The following PLXNC1 variants were observed in gnomAD, a reference collection of about 807,000 sequenced individuals.
The protein encoded by PLXNC1 is plexin-C1.
In PLXNC1, 75 loss-of-function variants were observed where a neutral mutation model predicts 178.2. The observed-to-expected ratio is 0.42, with a 90% CI of 0.35 to 0.51. PLXNC1 has a LOEUF of 0.51. Among genes scored for constraint, PLXNC1 ranks in the 20% least tolerant of loss-of-function variants. The pLI is 0.02. For missense variants in PLXNC1, 1,503 were observed against 1,984.4 expected, an observed-to-expected ratio of 0.76 and a Z score of 4.61; for synonymous variants, 790 against 779.9, an observed-to-expected ratio of 1.01 and a Z score of -0.22.
At chr12:94,254,682 T>C in intron 15 of PLXNC1, 105 bp from the exon 16 acceptor site, 1 of 735,066 alleles carries the variant, frequency 1.4e-6, no homozygotes, top group East Asian at 2.6e-5. Flanking sequence ...TCCCTATCTG[T>C]TTTGTTTTTG....
chr12:94,149,270 G>A lies in PLXNC1; in HGVS notation c.299G>A (p.Arg100Gln). 1.3e-6 allele frequency: 2 copies of A among 1,527,564 alleles called. No individual in the cohort carries two copies. Among genetic ancestry groups the A allele is most frequent in the Non-Finnish European group, 1.7e-6 (2 of 1,146,514 alleles). 94.6% of individuals were successfully genotyped at this position (1,527,564 alleles called of 1,614,324 possible). A position where few individuals can be genotyped will look rare whatever the true frequency, so the allele number is the denominator to read the frequency against. ...TCGCTGGCGCCCCCCGCGCGGCCCC[G>A]GCCCGGGAGCAGCTTCAGCAAGCTG... The part of the protein sequence containing the change: ...PVSLAPPARP[R>Q]PGSSFSKLLL... Residue 100 changes from arginine to glutamine, a missense_variant, in exon 1 of 31, where the codon CGG becomes CAG. By Grantham distance (43) the Arg-to-Gln change is conservative. Around this residue, in one of 4 missense-constraint regions of PLXNC1, gnomAD observed 176 missense variants for 180.7 expected, o/e 0.97. Coordinates refer to ENST00000258526, the MANE Select transcript of PLXNC1 (RefSeq NM_005761.3).
intron 20 of PLXNC1, 124 bp from the exon 21 acceptor site, chr12:94,264,955 G>A (rs750813025): frequency 1.4e-4 from 135 of 960,416 alleles, no homozygotes; most frequent in Non-Finnish European, 1.9e-4. Flanking sequence ...TTTCTTGGGC[G>A]TTTCATGTTG....
rs895832298 is a variant in PLXNC1, at chr12:94,148,674, C to T, written c.-298C>T. The stretch of plus-strand genomic sequence containing the variant: ...CCGTCCCCTCCCTTCCCCTCCGCGC[C>T]TCCCCGCGAGCGCCAGCGCTGCACA... On this transcript the variant is annotated 5_prime_UTR_variant, in exon 1 of 31. Coordinates refer to ENST00000258526, the MANE Select transcript of PLXNC1 (RefSeq NM_005761.3). The surrounding 1 kb of genome is among the most constrained non-coding windows in gnomAD (Gnocchi z 4.8). The T allele has an allele frequency of 1.3e-5, 2 of 152,080 alleles. No individual in the cohort carries two copies. The highest frequency in any genetic ancestry group is 6.5e-5 in the Admixed American group (1 of 15,288). The allele number at this position is 152,080 out of a possible 1,614,324, so 9.4% of individuals were successfully genotyped here.
intron 12 of PLXNC1, among the ~76,000 whole-genome samples, chr12:94,245,644 T>C (rs577228912): frequency 4.4e-4 from 67 of 152,264 alleles, no homozygotes; most frequent in African/African-American, 1.6e-3. Context: ...AAAGAGAAAT[T>C]AAACATGCAT....
intron 24 of PLXNC1, 35 bp from the exon 25 acceptor site, chr12:94,297,154 G>A (rs1440269528): frequency 6.2e-7 from 1 of 1,611,138 alleles, no homozygotes; most frequent in East Asian, 2.2e-5. Flanking sequence ...TTTTTTTAAT[G>A]GACTGCTTTC....
At chr12:94,261,261 TC>T (rs1287763249) in intron 20 of PLXNC1, among the ~76,000 whole-genome samples, 1 of 152,232 alleles carries the variant, frequency 6.6e-6, no homozygotes. Flanking sequence ...TACCAGTCAT[TC>T]CGCATTAAAG....
chr12:94,290,203 G>T (rs536650271), intron 23 of PLXNC1, among the ~76,000 whole-genome samples: 28 of 152,336 alleles, frequency 1.8e-4, no homozygotes, highest in East Asian at 1.5e-3. Context: ...TTTATAAAAA[G>T]ATATTTATTG....
chr12:94,206,098 G>A (rs1259129318), intron 4 of PLXNC1, among the ~76,000 whole-genome samples: 1 of 152,114 alleles, frequency 6.6e-6, no homozygotes, highest in African/African-American at 2.4e-5. Context: ...TCTGTGGTGG[G>A]GTAATTATTC....
chr12:94,188,863 G>A (rs945868399), intron 4 of PLXNC1, among the ~76,000 whole-genome samples: 5 of 152,248 alleles, frequency 3.3e-5, no homozygotes, highest in Non-Finnish European at 7.3e-5. Flanking sequence ...CCCAAGCATG[G>A]GGAGGTGGCA....
chr12:94,284,540 T>C (rs924155623), intron 23 of PLXNC1, among the ~76,000 whole-genome samples: 3 of 152,188 alleles, frequency 2.0e-5, no homozygotes, highest in Non-Finnish European at 2.9e-5. Context: ...TTCACTGTTA[T>C]AGTTTTGCAA....
At chr12:94,168,198 G>A (rs1336543244) in intron 1 of PLXNC1, 4 of 152,118 alleles carry the variant, frequency 2.6e-5, no homozygotes, top group South Asian at 2.1e-4. Flanking sequence ...GTACAGTTGG[G>A]AACTGAGCTC....
At chr12:94,300,463 G>C (rs190727371) in intron 27 of PLXNC1, among the ~76,000 whole-genome samples, 4 of 152,164 alleles carry the variant, frequency 2.6e-5, no homozygotes, top group African/African-American at 9.7e-5. Context: ...GAATGAGCGC[G>C]GTGAGGAGCA....
rs1200278567 is a variant in PLXNC1, at chr12:94,149,765, C to T, written c.794C>T (p.Ala265Val). 2 of 1,608,980 alleles carry T rather than the reference C, an allele frequency of 1.2e-6. No homozygotes were observed. Among genetic ancestry groups the T allele is most frequent in the Non-Finnish European group, 1.7e-6 (2 of 1,179,194 alleles). ...GCTGCCACCGGCTGGCCCAGCATGGCGCGCATCGCGCAGAGCACCGAGGTG... is the reference window on the plus strand; with the variant it reads ...GCTGCCACCGGCTGGCCCAGCATGGTGCGCATCGCGCAGAGCACCGAGGTG... ...SGAATGWPSM[A>V]RIAQSTEVLF... is the part of the protein sequence containing the mutation. The change falls in exon 1 of 31, where the codon GCG (alanine) becomes GTG (valine). Residue 265 changes from alanine (A) to valine (V), a missense_variant. Physicochemically the swap from Ala to Val is moderately conservative, Grantham distance 64. Around this residue, in one of 4 missense-constraint regions of PLXNC1, gnomAD observed 615 missense variants for 698.6 expected, o/e 0.88. Coordinates refer to ENST00000258526, the MANE Select transcript of PLXNC1 (RefSeq NM_005761.3).
intron 1 of PLXNC1, among the ~76,000 whole-genome samples, chr12:94,165,509 G>C (rs58852951): frequency 6.6e-6 from 1 of 152,150 alleles, no homozygotes; most frequent in African/African-American, 2.4e-5. Flanking sequence ...CTGTGGCCAG[G>C]GTCCTCCAGG....
At chr12:94,259,183 A>G (rs1487669332) in intron 17 of PLXNC1, among the ~76,000 whole-genome samples, 154 bp from the exon 18 acceptor site, 1 of 152,238 alleles carries the variant, frequency 6.6e-6, no homozygotes, top group African/African-American at 2.4e-5. Context: ...TTTATTATGT[A>G]TTAGAGAATA....
At chr12:94,154,389 G>T (rs1320132223) in intron 1 of PLXNC1, among the ~76,000 whole-genome samples, 1 of 152,156 alleles carries the variant, frequency 6.6e-6, no homozygotes, top group Non-Finnish European at 1.5e-5. Flanking sequence ...AATCATGATG[G>T]TGATGATAGT....
In PLXNC1 at chr12:94,249,296, G is replaced by A. The variant is rs566070623; in HGVS notation, c.2778+884G>A. On this transcript the variant is annotated intron_variant, in intron 14 of 30. Coordinates refer to ENST00000258526, the MANE Select transcript of PLXNC1 (RefSeq NM_005761.3). ...TACCCAGGCAGGAGTACAGTGGCAC[G>A]ATCTTGGCTTACAGCAACCTCCGCT... 2.6e-5 allele frequency among the ~76,000 whole-genome samples: 4 copies of A among 152,218 alleles called. No individual in the cohort carries two copies. In the South Asian group the frequency reaches 6.2e-4, roughly 24 times the overall value.
At chr12:94,279,785 G>A (rs1222537087) in intron 22 of PLXNC1, 136 bp downstream of exon 22, 2 of 824,214 alleles carry the variant, frequency 2.4e-6, no homozygotes, top group South Asian at 1.4e-5. Flanking sequence ...TGTTCCTGGA[G>A]GGCATGTCTA....
intron 21 of PLXNC1, among the ~76,000 whole-genome samples, chr12:94,268,855 G>A (rs552227723): frequency 1.1e-3 from 163 of 152,128 alleles, no homozygotes; most frequent in Non-Finnish European, 1.8e-3. Flanking sequence ...TTGTCCTCCC[G>A]AAGTGCTGGG....
Sources: gnomAD v4.1 joint callset for allele counts (sites outside exome capture counted in the v4.1 genomes callset) on GRCh38, gnomAD v4.1.1 for gene constraint, gnomAD v4.1.1 regional missense constraint, Gnocchi (gnomAD v3.1) non-coding constraint, MANE v1.5 for transcripts, NCBI Gene and HGNC (gene_info 2026-07-23, HGNC 2026-07-21) for gene names.